The following CMTM2 variants were observed in gnomAD, a reference collection of about 807,000 sequenced individuals.
The protein encoded by CMTM2 is CKLF-like MARVEL transmembrane domain-containing protein 2.
In CMTM2, 15 loss-of-function variants were observed where a neutral mutation model predicts 16.8. The observed-to-expected ratio is 0.89, with a 90% CI of 0.60 to 1.37. The LOEUF (loss-of-function observed/expected upper bound fraction) is 1.37. Among genes scored for constraint, CMTM2 ranks in the 40% most tolerant of loss-of-function variants. CMTM2 has a pLI of 0.00. For synonymous variants in CMTM2, 117 were observed against 118.7 expected, an observed-to-expected ratio of 0.99 and a Z score of 0.09; for missense variants, 282 against 318.0, an observed-to-expected ratio of 0.89 and a Z score of 0.86.
chr16:66,582,919 C>G (rs1054490372), intron 2 of CMTM2, among the ~76,000 whole-genome samples: 4 of 152,088 alleles, frequency 2.6e-5, no homozygotes, highest in African/African-American at 9.7e-5. Flanking sequence ...TCTATCCAAA[C>G]CTGCACAAAT....
intron 2 of CMTM2, among the ~76,000 whole-genome samples, chr16:66,583,660 A>T (rs946105523): frequency 6.6e-6 from 1 of 151,324 alleles, no homozygotes; most frequent in African/African-American, 2.4e-5. Flanking sequence ...CACATTCACA[A>T]ATATGAAAAC....
intron 2 of CMTM2, among the ~76,000 whole-genome samples, chr16:66,584,375 C>T (rs998213374): frequency 1.3e-5 from 2 of 152,050 alleles, no homozygotes; most frequent in African/African-American, 4.8e-5. Flanking sequence ...CTCCCGCTTG[C>T]TCTCTCTCTA....
Position 66,579,821 on chromosome 16 carries a change from C to T in CMTM2, c.214C>T (p.Arg72Trp), listed in dbSNP as rs111592429. The change falls in exon 1 of 4, where the codon CGG (arginine) becomes TGG (tryptophan). Residue 72 changes from arginine to tryptophan, a missense_variant. Coordinates refer to ENST00000268595, the MANE Select transcript of CMTM2 (RefSeq NM_144673.3). This position sits in a 1 kb window ranked among gnomAD's most constrained non-coding sequence, Gnocchi z 6.5. ...CACGAGGAGGGGGTGTCGCCGCTACCGGTGGGAATTAAAAGACAGCAATAA... is the reference window on the plus strand; with the variant it reads ...CACGAGGAGGGGGTGTCGCCGCTACTGGTGGGAATTAAAAGACAGCAATAA... Reference protein sequence around the residue: ...VGTRRGCRRYRWELKDSNKEF... With the variant: ...VGTRRGCRRYWWELKDSNKEF... 7.1e-4 allele frequency: 1,148 copies of T among 1,613,646 alleles called. 5 individuals are homozygous for T. In the African/African-American group the frequency reaches 0.013, roughly 18 times the overall value.
At chr16:66,583,597 T>G (rs1468601617) in intron 2 of CMTM2, among the ~76,000 whole-genome samples, 1 of 152,112 alleles carries the variant, frequency 6.6e-6, no homozygotes, top group East Asian at 1.9e-4. Context: ...TACATAGAGA[T>G]TATAAGACTT....
chr16:66,586,603 G>A (rs1256796403), intron 2 of CMTM2, among the ~76,000 whole-genome samples: 1 of 152,188 alleles, frequency 6.6e-6, no homozygotes, highest in Non-Finnish European at 1.5e-5. Context: ...AGCAGAAATT[G>A]TGCCACTGCA....
rs757171252 is a variant in CMTM2 at position 66,587,941 on chromosome 16, T to A, written c.569T>A (p.Val190Asp). 4 of 1,613,810 alleles carry A rather than the reference T, an allele frequency of 2.5e-6. No homozygotes were observed. In the African/African-American group the frequency reaches 4.0e-5, roughly 16 times the overall value. Residue 190 changes from valine (V) to aspartate (D), a missense_variant, in exon 4 of 4, where the codon GTT becomes GAT. Physicochemically the swap from Val to Asp is radical, Grantham distance 152. Coordinates refer to ENST00000268595, the MANE Select transcript of CMTM2 (RefSeq NM_144673.3). ...CAGATCCTTATTGGTGCGGCTGGAG[T>A]TTTTGCTTTTATCGATGTGTGTCTT... ...LAVILIGAAG[V>D]FAFIDVCLQR...
chr16:66,584,676 C>T (rs1436994443), intron 2 of CMTM2, among the ~76,000 whole-genome samples: 2 of 152,044 alleles, frequency 1.3e-5, no homozygotes, highest in East Asian at 3.9e-4. Context: ...TGGTATATGA[C>T]GGAGGTAGCA....
rs2014676162 is a variant in CMTM2 at position 66,579,525 on chromosome 16, T to C, written c.-83T>C. 5.2e-6 allele frequency: 8 copies of C among 1,540,156 alleles called. No individual in the cohort carries two copies. The South Asian group carries it at 9.6e-5, about 18-fold the overall frequency. ...GAGCCGCTCGGTGGACACCAGGCAC[T>C]CTAGTAGGCCTGGCCTACCCAGAAA... On this transcript the variant is annotated 5_prime_UTR_variant, in exon 1 of 4. Transcript: ENST00000268595. This position sits in a 1 kb window ranked among gnomAD's most constrained non-coding sequence, Gnocchi z 6.5.
intron 3 of CMTM2, 47 bp from the exon 4 acceptor site, chr16:66,587,872 C>T: frequency 3.1e-6 from 5 of 1,596,856 alleles, no homozygotes; most frequent in Non-Finnish European, 4.3e-6. Context: ...AAACTCACCA[C>T]CTTTGGAATG....
rs766689376 is a variant in CMTM2, at chr16:66,579,923, G to T, written c.285+31G>T. 6.2e-7 allele frequency: 1 copy of T among 1,602,988 alleles called. No homozygotes were observed. The highest frequency in any genetic ancestry group is 1.1e-5 in the South Asian group (1 of 90,618). ...CTAAACTGGTATCCCTGGGTGGGGG[G>T]CCTTGGCCGAGGGTGGGGGGAAGGA... On this transcript the variant is annotated intron_variant, in intron 1 of 3. Transcript: ENST00000268595. This position sits in a 1 kb window ranked among gnomAD's most constrained non-coding sequence, Gnocchi z 6.5.
intron 2 of CMTM2, among the ~76,000 whole-genome samples, chr16:66,584,252 T>C (rs2014766534): frequency 6.6e-6 from 1 of 152,246 alleles, no homozygotes; most frequent in Non-Finnish European, 1.5e-5. Flanking sequence ...CTAGCTGGTC[T>C]TGAACTCCTG....
At chr16:66,587,744 G>A (rs1469676360) in intron 3 of CMTM2, among the ~76,000 whole-genome samples, 175 bp from the exon 4 acceptor site, 1 of 152,190 alleles carries the variant, frequency 6.6e-6, no homozygotes, top group Non-Finnish European at 1.5e-5. Flanking sequence ...CGGGGGAGTG[G>A]AGAAGGCAAA....
rs2290183 is a variant in CMTM2, at chr16:66,579,938, G to T, written c.285+46G>T. On this transcript the variant is annotated intron_variant, in intron 1 of 3. Transcript: ENST00000268595. This position sits in a 1 kb window ranked among gnomAD's most constrained non-coding sequence, Gnocchi z 6.5. ...TGGGTGGGGGGCCTTGGCCGAGGGT[G>T]GGGGGAAGGAGGAGTAGGCTCCAGG... 91 of 1,607,424 alleles carry T rather than the reference G, an allele frequency of 5.7e-5. No homozygotes were observed. Among genetic ancestry groups the T allele is most frequent in the Middle Eastern group, 3.3e-4 (2 of 6,058 alleles).
intron 2 of CMTM2, among the ~76,000 whole-genome samples, chr16:66,581,250 A>T (rs2014733600): frequency 6.6e-6 from 1 of 151,854 alleles, no homozygotes; most frequent in Non-Finnish European, 1.5e-5. Flanking sequence ...AGGGACAAGC[A>T]GAGGACAAGG....
intron 2 of CMTM2, chr16:66,580,397 GGAGT>G: frequency 1.7e-6 from 1 of 576,810 alleles, no homozygotes; most frequent in South Asian, 2.1e-5. Context: ...TCTGTGTGTT[GGAGT>G]GAGAGTGGGG....
At position 66,587,082 on chromosome 16, in the gene CMTM2, A is replaced by G. The variant is rs1418049635; in HGVS notation, c.530A>G (p.His177Arg). The G allele has an allele frequency of 6.2e-7, 1 of 1,613,728 alleles. No individual in the cohort carries two copies. The highest frequency in any genetic ancestry group is 1.7e-5 in the Admixed American group (1 of 59,990). Residue 177 changes from histidine to arginine, a missense_variant, in exon 3 of 4, where the codon CAC becomes CGC. Coordinates refer to ENST00000268595, the MANE Select transcript of CMTM2 (RefSeq NM_144673.3). ...AGAAGTCGGCGATCCATGAATCTCC[A>G]CTACTTACTTGCTGTGGTGAGTCTT... ...AVRSRRSMNLHYLLAVILIGA... is the reference protein window; with the variant it reads ...AVRSRRSMNLRYLLAVILIGA...
At chr16:66,585,719 C>T (rs2014785050) in intron 2 of CMTM2, among the ~76,000 whole-genome samples, 1 of 152,118 alleles carries the variant, frequency 6.6e-6, no homozygotes, top group Admixed American at 6.5e-5. Context: ...GTTGGCAAGA[C>T]GTTAACATCT....
At chr16:66,586,525 T>C (rs1051564106) in intron 2 of CMTM2, among the ~76,000 whole-genome samples, 1 of 151,860 alleles carries the variant, frequency 6.6e-6, no homozygotes, top group East Asian at 1.9e-4. Context: ...CACACACCTG[T>C]AGTCGCAGCT....
chr16:66,587,297 G>T (rs1405792478), intron 3 of CMTM2, among the ~76,000 whole-genome samples, 199 bp downstream of exon 3: 1 of 152,176 alleles, frequency 6.6e-6, no homozygotes, highest in East Asian at 1.9e-4. Context: ...GAGGCGGGCG[G>T]ATCACCTGAG....
Sources: allele counts gnomAD v4.1 joint callset (sites outside exome capture counted in the v4.1 genomes callset), GRCh38; gene constraint gnomAD v4.1.1; non-coding constraint Gnocchi (gnomAD v3.1); transcripts MANE v1.5; gene names NCBI Gene and HGNC (gene_info 2026-07-23, HGNC 2026-07-21).